Variants in GSN observed in about 807,000 individuals in gnomAD.
The protein encoded by GSN is actin-depolymerizing factor.
GSN carries 56 observed loss-of-function variants against 85.7 expected under a neutral mutation model. The ratio of observed to expected loss-of-function variants is 0.65; its 90% CI spans 0.53 to 0.82. GSN has a LOEUF of 0.82. Among genes scored for constraint, GSN ranks in the 40% least tolerant of loss-of-function variants. The pLI is 0.00. For synonymous variants in GSN, 373 were observed against 399.1 expected, an observed-to-expected ratio of 0.93 and a Z score of 0.78; for missense variants, 857 against 979.8, an observed-to-expected ratio of 0.87 and a Z score of 1.67.
rs151155909 is a variant in GSN at position 121,317,188 on chromosome 9, G to A, written c.856G>A (p.Gly286Ser). 39 of 1,614,186 alleles carry A rather than the reference G, an allele frequency of 2.4e-5. No individual in the cohort carries two copies. The highest frequency in any genetic ancestry group is 2.4e-4 in the African/African-American group (18 of 75,060). The change falls in exon 8 of 18, where the codon GGC (glycine) becomes AGC (serine). Residue 286 changes from glycine (G) to serine (S), a missense_variant. Transcript: ENST00000432226. The stretch of plus-strand genomic sequence containing the variant: ...AGAGGACTGCTTCATCCTGGACCAC[G>A]GCAAAGATGGGAAAATCTTTGTCTG... The part of the protein sequence containing the change: ...KSEDCFILDH[G>S]KDGKIFVWKG...
chr9:121,205,376 T>C (rs891792263), upstream of GSN, among the ~76,000 whole-genome samples: 2 of 152,130 alleles, frequency 1.3e-5, no homozygotes, highest in African/African-American at 4.8e-5. Context: ...CCAGTGAGGA[T>C]TGGGTGTGCC....
Position 121,328,978 on chromosome 9 carries a change from G to T in GSN, c.1850G>T (p.Arg617Leu), listed in dbSNP as rs9696578. Residue 617 changes from arginine to leucine, a missense_variant, in exon 15 of 18, where the codon CGC (arginine) becomes CTC (leucine). Arg to Leu is a moderately radical substitution (Grantham distance 102). Coordinates refer to ENST00000432226, the MANE Select transcript of GSN (RefSeq NM_198252.3). Reference protein sequence around the residue: ...KDKKMDAHPPRLFACSNKIGR... With the variant: ...KDKKMDAHPPLLFACSNKIGR... ...AAGAAGATGGATGCCCATCCTCCTC[G>T]CCTCTTTGCCTGCTCCAACAAGATT... is the stretch of plus-strand genomic sequence containing the variant. 6.9e-4 allele frequency: 1,109 copies of T among 1,613,898 alleles called. 2 individuals are homozygous for T. In the African/African-American group the frequency reaches 0.011, roughly 17 times the overall value.
At chr9:121,238,970 C>T in intron 5 of GSN, 1 of 531,282 alleles carries the variant, frequency 1.9e-6, no homozygotes, top group Non-Finnish European at 3.8e-6. Flanking sequence ...TCAGGCAGCA[C>T]ATTGATAGGT....
intron 4 of GSN, among the ~76,000 whole-genome samples, chr9:121,227,786 A>T (rs532766121): frequency 6.6e-6 from 1 of 152,012 alleles, no homozygotes; most frequent in Admixed American, 6.6e-5. Flanking sequence ...TTTTTTTTCT[A>T]TATTTAATAC....
chr9:121,224,782 A>G (rs1390902310), intron 4 of GSN, among the ~76,000 whole-genome samples: 1 of 148,880 alleles, frequency 6.7e-6, no homozygotes, highest in Non-Finnish European at 1.5e-5. Context: ...ATTTGTATGT[A>G]TCACTAATGG....
chr9:121,280,524 C>A (rs117414266), intron 1 of GSN: 1 of 152,186 alleles, frequency 6.6e-6, no homozygotes, highest in African/African-American at 2.4e-5. Flanking sequence ...TAGACTGATG[C>A]TGAGGTACAG....
chr9:121,325,921 C>T (rs1282034062), intron 12 of GSN, among the ~76,000 whole-genome samples: 1 of 152,012 alleles, frequency 6.6e-6, no homozygotes, highest in Non-Finnish European at 1.5e-5. Flanking sequence ...TGGGAAGCGA[C>T]TGCCATATGC....
At chr9:121,220,171 C>G (rs2054143630) in intron 4 of GSN, among the ~76,000 whole-genome samples, 1 of 152,260 alleles carries the variant, frequency 6.6e-6, no homozygotes, top group Non-Finnish European at 1.5e-5. Flanking sequence ...GCGTGAGCCA[C>G]TGCACCCGGC....
intron 10 of GSN, among the ~76,000 whole-genome samples, chr9:121,320,306 A>G (rs2062253687): frequency 6.6e-6 from 1 of 152,236 alleles, no homozygotes; most frequent in South Asian, 2.1e-4. Context: ...CAGGGGTCAC[A>G]CTGAGGTTGC....
upstream of GSN, among the ~76,000 whole-genome samples, chr9:121,206,363 C>G (rs1245230125): frequency 6.6e-6 from 1 of 151,974 alleles, no homozygotes; most frequent in Non-Finnish European, 1.5e-5. Context: ...AAATCAAAAT[C>G]AAGGGCATGA....
intron 4 of GSN, among the ~76,000 whole-genome samples, chr9:121,225,395 A>G (rs1438726964): frequency 6.6e-6 from 1 of 152,218 alleles, no homozygotes; most frequent in Non-Finnish European, 1.5e-5. Context: ...TTGTCAGGCC[A>G]ATTATAGGAT....
chr9:121,308,065 T>C (rs959932987), intron 4 of GSN, among the ~76,000 whole-genome samples: 2 of 152,222 alleles, frequency 1.3e-5, no homozygotes, highest in African/African-American at 4.8e-5. Flanking sequence ...TGCTTCCCAG[T>C]TTTGGGCAGC....
intron 2 of GSN, among the ~76,000 whole-genome samples, chr9:121,293,271 C>A (rs974655408): frequency 2.0e-5 from 3 of 152,152 alleles, no homozygotes; most frequent in Non-Finnish European, 2.9e-5. Flanking sequence ...TGTCTTTTAG[C>A]ATCCTTGAGT....
rs564205324 is a variant in GSN, at chr9:121,271,769, C to T, written c.-103+3550C>T. 8.5e-5 allele frequency among the ~76,000 whole-genome samples: 13 copies of T among 152,280 alleles called. No individual in the cohort carries two copies. The South Asian group carries it at 2.1e-3, about 24-fold the overall frequency. On this transcript the variant is annotated intron_variant, in intron 1 of 17. Coordinates refer to ENST00000432226, the MANE Select transcript of GSN (RefSeq NM_198252.3). ...TAAACTCATGCTTTCCTGTGCCATC[C>T]GCAGGACCCTCAGTGCAGGTCAATC...
intron 17 of GSN, 167 bp downstream of exon 17, chr9:121,331,615 G>T: frequency 1.6e-6 from 1 of 611,180 alleles, no homozygotes; most frequent in South Asian, 2.0e-5. Context: ...ATCCTGCCTG[G>T]GATAGTGAAG....
At chr9:121,274,833 C>G (rs879838397) in intron 1 of GSN, among the ~76,000 whole-genome samples, 5 of 152,190 alleles carry the variant, frequency 3.3e-5, no homozygotes, top group Non-Finnish European at 5.9e-5. Context: ...GATCAGATAT[C>G]AAGGATGAGG....
intron 2 of GSN, among the ~76,000 whole-genome samples, chr9:121,288,339 C>T (rs1320444586): frequency 2.6e-5 from 4 of 152,164 alleles, no homozygotes; most frequent in Admixed American, 6.5e-5. Flanking sequence ...AATAATCCTA[C>T]CCTCCTTGTA....
rs144347711 is a variant in GSN, at chr9:121,220,966, G to A, written c.-528+10099G>A. Reference sequence around the variant, plus strand: ...TATTAAGTAAACAATGGTGTGATTCGTTTGTTGAAATGTCAAAAATTGTGA... The same window carrying A: ...TATTAAGTAAACAATGGTGTGATTCATTTGTTGAAATGTCAAAAATTGTGA... On this transcript the variant is annotated intron_variant, in intron 4 of 24. Transcript: ENST00000373823. Among the ~76,000 whole-genome samples, 599 of 152,298 alleles carry A rather than the reference G, an allele frequency of 3.9e-3. 1 individual carries two copies. Among genetic ancestry groups the A allele is most frequent in the African/African-American group, 0.014 (567 of 41,566 alleles).
chr9:121,262,123 A>G (rs1444887579), intron 6 of GSN, among the ~76,000 whole-genome samples: 1 of 152,224 alleles, frequency 6.6e-6, no homozygotes, highest in Non-Finnish European at 1.5e-5. Context: ...CATTATATGA[A>G]GTGTACAGAG....
Sources: gnomAD v4.1 joint callset for allele counts (sites outside exome capture counted in the v4.1 genomes callset) on GRCh38, gnomAD v4.1.1 for gene constraint, MANE v1.5 for transcripts, NCBI Gene and HGNC (gene_info 2026-07-23, HGNC 2026-07-21) for gene names.